Variants in NTM observed in about 807,000 individuals in gnomAD.
NTM encodes IgLON family member 2.
NTM carries 13 observed loss-of-function variants against 42.1 expected under a neutral mutation model. That is an observed-to-expected ratio of 0.31 (90% confidence interval 0.20 to 0.49). The LOEUF is 0.49. Ranked by LOEUF, NTM falls within the 20% of genes least tolerant of loss-of-function variation. The pLI, the probability that NTM is intolerant of heterozygous loss-of-function variation, is 0.99. For missense variants in NTM, 373 were observed against 452.8 expected (o/e 0.82, Z 1.60); for synonymous variants, 187 against 179.2 (o/e 1.04, Z -0.35).
Position 131,655,014 on chromosome 11 carries a change from G to A in NTM, c.83-256550G>A, listed in dbSNP as rs149992272. Among the ~76,000 whole-genome samples, 660 of 152,196 alleles carry A rather than the reference G, an allele frequency of 4.3e-3. 5 individuals carry two copies. The highest frequency in any genetic ancestry group is 0.015 in the African/African-American group (636 of 41,528). On this transcript the variant is annotated intron_variant, in intron 1 of 8. Transcript: ENST00000683400. ...ATCGGAAATGCTGGGCCTGGGGCTC[G>A]CACCTGTGTTTTACCAACCCCGCCC...
chr11:132,197,833 A>G lies in NTM; in HGVS notation c.401-14189A>G, dbSNP rs536262158. On this transcript the variant is annotated intron_variant, in intron 3 of 8. Transcript: ENST00000683400. ...TCCCTACAAAGGACATGAACTCATC[A>G]TTTTTTATGGCTGCATAGTATTCCA... is the stretch of plus-strand genomic sequence containing the variant. Among the ~76,000 whole-genome samples the G allele has an allele frequency of 1.7e-4, 26 of 151,998 alleles. No individual in the cohort carries two copies. In the East Asian group the frequency reaches 4.8e-3, roughly 28 times the overall value.
intron 3 of NTM, among the ~76,000 whole-genome samples, chr11:132,189,194 AT>A (rs1462355956): frequency 6.6e-6 from 1 of 152,140 alleles, no homozygotes; most frequent in African/African-American, 2.4e-5. Context: ...TGGAACTGAG[AT>A]TTGTTTCTCT....
intron 2 of NTM, among the ~76,000 whole-genome samples, chr11:132,048,832 T>C (rs992170165): frequency 7.0e-4 from 103 of 146,898 alleles, no homozygotes; most frequent in Non-Finnish European, 1.5e-3. Flanking sequence ...TTTTTTTTTT[T>C]TTTTTATAGC....
intron 1 of NTM, among the ~76,000 whole-genome samples, chr11:131,598,017 C>T (rs1393863639): frequency 6.6e-6 from 1 of 152,202 alleles, no homozygotes; most frequent in African/African-American, 2.4e-5. Context: ...GCCTCCAGCC[C>T]TTACGCTGGG....
chr11:131,986,155 A>G (rs1000438177), intron 2 of NTM, among the ~76,000 whole-genome samples: 1 of 152,202 alleles, frequency 6.6e-6, no homozygotes, highest in Non-Finnish European at 1.5e-5. Context: ...AAAGAACCCC[A>G]TCTGGCCTAT....
At chr11:132,086,398 T>C (rs951257987) in intron 2 of NTM, among the ~76,000 whole-genome samples, 5 of 151,848 alleles carry the variant, frequency 3.3e-5, no homozygotes, top group Non-Finnish European at 7.4e-5. Flanking sequence ...AAAAAAACTT[T>C]TCTCCAGCAA....
intron 1 of NTM, among the ~76,000 whole-genome samples, chr11:131,462,850 T>TAGGGTGATCCACCACCTTCTCCCTAGAGC (rs1438552007): frequency 0.07 from 10,595 of 150,530 alleles, 858 homozygotes; most frequent in East Asian, 0.21. Flanking sequence ...CTCACTAGAG[T>TAGGGTGATCCACCACCTTCTCCCTAGAGC]AGGCCCACCT....
chr11:131,885,720 C>T (rs149967220), intron 1 of NTM, among the ~76,000 whole-genome samples: 8 of 152,258 alleles, frequency 5.3e-5, no homozygotes, highest in Admixed American at 1.3e-4. Flanking sequence ...ACTGAGGCCG[C>T]GGTTGAATTA....
chr11:131,777,684 T>A (rs928133325), intron 1 of NTM, among the ~76,000 whole-genome samples: 4 of 152,122 alleles, frequency 2.6e-5, no homozygotes, highest in African/African-American at 9.7e-5. Flanking sequence ...CCCTCTAGTT[T>A]CCTTGCAAAT....
intron 2 of NTM, among the ~76,000 whole-genome samples, chr11:131,951,356 C>T (rs1490421662): frequency 3.3e-5 from 5 of 152,074 alleles, no homozygotes; most frequent in African/African-American, 1.2e-4. Flanking sequence ...TCCTCTACAG[C>T]CAAATTAAAT....
At chr11:131,697,889 C>T (rs1011683677) in intron 1 of NTM, among the ~76,000 whole-genome samples, 3 of 152,142 alleles carry the variant, frequency 2.0e-5, no homozygotes, top group African/African-American at 4.8e-5. Context: ...AGGAGGAAAA[C>T]GTGGGAACTA....
At chr11:131,750,942 A>G (rs557874381) in intron 1 of NTM, among the ~76,000 whole-genome samples, 1 of 152,176 alleles carries the variant, frequency 6.6e-6, no homozygotes, top group African/African-American at 2.4e-5. Flanking sequence ...AGGGGCCTGC[A>G]TCCAGGCTGA....
chr11:131,926,942 C>T (rs1328176336), intron 2 of NTM, among the ~76,000 whole-genome samples: 6 of 152,166 alleles, frequency 3.9e-5, no homozygotes, highest in Non-Finnish European at 7.3e-5. Flanking sequence ...GACGTTTTAC[C>T]TGTTGCCATT....
At chr11:132,123,135 T>C (rs758979392) in intron 2 of NTM, among the ~76,000 whole-genome samples, 1 of 152,156 alleles carries the variant, frequency 6.6e-6, no homozygotes, top group Non-Finnish European at 1.5e-5. Flanking sequence ...TCATCTGCAA[T>C]GAGGCTGCTC....
chr11:131,541,090 G>A (rs1339512655), intron 1 of NTM, among the ~76,000 whole-genome samples: 1 of 152,186 alleles, frequency 6.6e-6, no homozygotes, highest in African/African-American at 2.4e-5. Flanking sequence ...CAATCCCCGT[G>A]CTTCTTCATT....
chr11:131,632,959 C>T (rs2063815014), intron 1 of NTM, among the ~76,000 whole-genome samples: 1 of 152,058 alleles, frequency 6.6e-6, no homozygotes, highest in Admixed American at 6.5e-5. Flanking sequence ...AGGCGTGAGC[C>T]ACCGCGCCAC....
At chr11:131,826,190 G>A (rs964578348) in intron 1 of NTM, among the ~76,000 whole-genome samples, 1 of 152,134 alleles carries the variant, frequency 6.6e-6, no homozygotes, top group Admixed American at 6.6e-5. Flanking sequence ...AAAGGGGCAT[G>A]ATCACAATTT....
At chr11:132,328,151 G>A (rs925468350) in intron 7 of NTM, among the ~76,000 whole-genome samples, 1 of 152,146 alleles carries the variant, frequency 6.6e-6, no homozygotes, top group African/African-American at 2.4e-5. Flanking sequence ...GTGCCAGCAT[G>A]TGCACCTTCT....
chr11:132,008,945 G>A (rs980089121), intron 2 of NTM, among the ~76,000 whole-genome samples: 3 of 149,510 alleles, frequency 2.0e-5, no homozygotes, highest in East Asian at 2.0e-4. Flanking sequence ...GTAACAAAAT[G>A]TTTTATAACT....
Sources: gnomAD v4.1 joint callset for allele counts (sites outside exome capture counted in the v4.1 genomes callset) on GRCh38, gnomAD v4.1.1 for gene constraint, MANE v1.5 for transcripts, NCBI Gene and HGNC (gene_info 2026-07-23, HGNC 2026-07-21) for gene names.